Variants in CTNNA2 observed in about 807,000 individuals in gnomAD.
The protein encoded by CTNNA2 is catenin alpha 2, also known as catenin alpha-2.
In CTNNA2, 42 loss-of-function variants were observed where a neutral mutation model predicts 101.0. That is an observed-to-expected ratio of 0.42 (90% CI 0.32 to 0.54). The LOEUF (loss-of-function observed/expected upper bound fraction) is 0.54, where lower values mean the gene tolerates loss of function less well. Among genes scored for constraint, CTNNA2 ranks in the 20% least tolerant of loss-of-function variants. CTNNA2 has a pLI of 0.14. For missense variants in CTNNA2, 871 were observed against 1,223.1 expected (o/e 0.71, Z 4.29); for synonymous variants, 450 against 456.4 (o/e 0.99, Z 0.18).
intron 3 of CTNNA2, among the ~76,000 whole-genome samples, chr2:79,780,626 G>A (rs1240364719): frequency 6.6e-6 from 1 of 152,112 alleles, no homozygotes; most frequent in Non-Finnish European, 1.5e-5. Context: ...AAGAATGCCC[G>A]ATCTCCTCTA....
At chr2:80,151,078 A>G (rs1703665111) in intron 7 of CTNNA2, among the ~76,000 whole-genome samples, 1 of 152,126 alleles carries the variant, frequency 6.6e-6, no homozygotes. Context: ...GCCTACTTTA[A>G]TCTCCCCATT....
chr2:80,077,871 T>C (rs2148795489), intron 7 of CTNNA2, among the ~76,000 whole-genome samples: 1 of 152,266 alleles, frequency 6.6e-6, no homozygotes. Context: ...TGGTTGCAGG[T>C]GTGGTTATAA....
chr2:79,409,505 C>G (rs377233406), intron 4 of CTNNA2, among the ~76,000 whole-genome samples: 16 of 151,476 alleles, frequency 1.1e-4, no homozygotes, highest in East Asian at 1.9e-4. Flanking sequence ...TCCAGTTTCA[C>G]CTTTCTACAT....
At chr2:79,462,501 A>T (rs1350882691) in intron 4 of CTNNA2, among the ~76,000 whole-genome samples, 1 of 152,180 alleles carries the variant, frequency 6.6e-6, no homozygotes, top group South Asian at 2.1e-4. Context: ...TCCTTAAGTG[A>T]CTATCTTTTG....
At chr2:80,199,285 T>C (rs1707048615) in intron 7 of CTNNA2, among the ~76,000 whole-genome samples, 2 of 150,454 alleles carry the variant, frequency 1.3e-5, no homozygotes, top group South Asian at 4.2e-4. Context: ...CACTGCCATA[T>C]ATTTTCAATT....
rs925211037 is a variant in CTNNA2 at position 79,899,258 on chromosome 2, T to A, written c.853-10336T>A. 4.6e-5 allele frequency among the ~76,000 whole-genome samples: 7 copies of A among 152,336 alleles called. No individual in the cohort carries two copies. The East Asian group carries it at 1.3e-3, about 29-fold the overall frequency. On this transcript the variant is annotated intron_variant, in intron 6 of 18. Transcript: ENST00000402739. ...ATTTGATTAAGTGCATTTTGGATAC[T>A]CACTTTCTAATCAATTCATAATATA...
intron 1 of CTNNA2, among the ~76,000 whole-genome samples, chr2:79,532,157 C>G (rs1672784950): frequency 6.6e-6 from 1 of 152,014 alleles, no homozygotes; most frequent in African/African-American, 2.4e-5. Context: ...AATTTCTGTT[C>G]CACTTTTTTT....
chr2:79,204,447 G>A (rs1024747576), intron 2 of CTNNA2, among the ~76,000 whole-genome samples: 5 of 152,094 alleles, frequency 3.3e-5, no homozygotes, highest in East Asian at 1.9e-4. Context: ...AACTGATCAC[G>A]AATGAAGCTC....
chr2:80,595,141 C>T (rs542221700), intron 15 of CTNNA2, among the ~76,000 whole-genome samples: 10 of 152,188 alleles, frequency 6.6e-5, no homozygotes, highest in African/African-American at 2.4e-4. Flanking sequence ...TATTGAATGA[C>T]TTTCCATTTA....
chr2:80,468,624 G>T (rs1389107380), intron 9 of CTNNA2, among the ~76,000 whole-genome samples: 4 of 152,236 alleles, frequency 2.6e-5, no homozygotes, highest in African/African-American at 9.6e-5. Context: ...CGCCATATTG[G>T]CCAGGCTGGT....
chr2:79,961,188 C>A (rs563772202), intron 7 of CTNNA2, among the ~76,000 whole-genome samples: 1 of 152,148 alleles, frequency 6.6e-6, no homozygotes, highest in Non-Finnish European at 1.5e-5. Context: ...GCAGGCTCCC[C>A]ATAGTATAAT....
intron 7 of CTNNA2, among the ~76,000 whole-genome samples, chr2:80,311,270 A>G (rs1265583058): frequency 6.6e-6 from 1 of 152,222 alleles, no homozygotes; most frequent in East Asian, 1.9e-4. Context: ...AACTATTAAT[A>G]CATAATGCCA....
chr2:80,435,114 C>A (rs950315763), intron 9 of CTNNA2, among the ~76,000 whole-genome samples: 2 of 152,136 alleles, frequency 1.3e-5, no homozygotes, highest in Non-Finnish European at 2.9e-5. Flanking sequence ...GGAGCACTTC[C>A]CTCTAATTGC....
intron 2 of CTNNA2, among the ~76,000 whole-genome samples, chr2:79,225,220 G>A (rs1019189836): frequency 9.2e-5 from 14 of 152,032 alleles, no homozygotes; most frequent in South Asian, 2.1e-4. Context: ...TGAAACAGGG[G>A]CATCATTTTA....
At chr2:80,053,327 G>A (rs1030275820) in intron 7 of CTNNA2, among the ~76,000 whole-genome samples, 3 of 152,162 alleles carry the variant, frequency 2.0e-5, no homozygotes, top group African/African-American at 4.8e-5. Context: ...TTGTGTACAT[G>A]CATGAAAATG....
intron 1 of CTNNA2, among the ~76,000 whole-genome samples, chr2:79,524,310 G>A (rs1275119896): frequency 1.3e-5 from 2 of 151,656 alleles, no homozygotes. Context: ...TTGCTATCTT[G>A]TATGAGTTTT....
intron 3 of CTNNA2, among the ~76,000 whole-genome samples, chr2:79,351,085 C>A (rs920146572): frequency 1.3e-5 from 2 of 152,058 alleles, no homozygotes; most frequent in Admixed American, 6.6e-5. Flanking sequence ...CTGTAGGTTA[C>A]CTTTTTACTC....
chr2:79,416,028 G>A (rs927764423), intron 4 of CTNNA2, among the ~76,000 whole-genome samples: 5 of 151,994 alleles, frequency 3.3e-5, no homozygotes, highest in South Asian at 2.1e-4. Context: ...AGATAAACAC[G>A]GCAGGTAAAT....
chr2:80,411,549 C>T (rs1679576141), intron 8 of CTNNA2, among the ~76,000 whole-genome samples: 1 of 152,134 alleles, frequency 6.6e-6, no homozygotes, highest in Admixed American at 6.5e-5. Context: ...ATATACTTTA[C>T]TCGTTCAGGA....
Sources: allele counts gnomAD v4.1 joint callset (sites outside exome capture counted in the v4.1 genomes callset), GRCh38; gene constraint gnomAD v4.1.1; transcripts MANE v1.5; gene names NCBI Gene and HGNC (gene_info 2026-07-23, HGNC 2026-07-21).